IFRD1: variants seen among roughly 807,000 people sequenced by gnomAD.
The protein encoded by IFRD1 is interferon related developmental regulator 1.
IFRD1 carries 35 observed loss-of-function variants against 52.9 expected under a neutral mutation model. The observed-to-expected ratio is 0.66, with a 90% CI of 0.51 to 0.88. IFRD1 has a LOEUF of 0.88. Among genes scored for constraint, IFRD1 ranks in the 40% least tolerant of loss-of-function variants. The pLI is 0.00. For missense variants in IFRD1, 517 were observed against 550.8 expected (o/e 0.94, Z 0.61); for synonymous variants, 184 against 188.4 (o/e 0.98, Z 0.19).
chr7:112,475,317 G>A lies in IFRD1; in HGVS notation c.1267-113G>A, dbSNP rs1274044410. 4 of 689,140 alleles carry A rather than the reference G, an allele frequency of 5.8e-6. No individual in the cohort carries two copies. The African/African-American group carries it at 7.2e-5, about 12-fold the overall frequency. 42.7% of individuals were successfully genotyped at this position (689,140 alleles called of 1,614,324 possible). A position where few individuals can be genotyped will look rare whatever the true frequency, so the allele number is the denominator to read the frequency against. On this transcript the variant is annotated intron_variant, in intron 11 of 11. Coordinates refer to ENST00000403825, the MANE Select transcript of IFRD1 (RefSeq NM_001550.4). ...GTGTGTGTTTTATAAACATTTAAAT[G>A]TTTATAGGGTCAAATTAGTTCATTT...
At chr7:112,447,921 C>T (rs1795065039), upstream of IFRD1, among the ~76,000 whole-genome samples, 1 of 151,962 alleles carries the variant, frequency 6.6e-6, no homozygotes, top group South Asian at 2.1e-4. Flanking sequence ...GTAGTTTCTC[C>T]CTTTCCTTGA....
chr7:112,472,666 TG>T, intron 10 of IFRD1, 99 bp from the exon 11 acceptor site: 1 of 842,082 alleles, frequency 1.2e-6, no homozygotes. Context: ...AGTTTATCTG[TG>T]GGTTCCACAT....
At chr7:112,473,918 C>T (rs73201481) in intron 11 of IFRD1, among the ~76,000 whole-genome samples, 10,808 of 152,246 alleles carry the variant, frequency 0.071, 548 homozygotes, top group South Asian at 0.21. Flanking sequence ...TGCTACCCCC[C>T]GCCACTGGCA....
At chr7:112,434,600 T>C (rs1185481916) in intron 1 of IFRD1, among the ~76,000 whole-genome samples, 2 of 152,222 alleles carry the variant, frequency 1.3e-5, no homozygotes, top group Non-Finnish European at 2.9e-5. Context: ...AATTAAGTAA[T>C]TACATCATTG....
intron 9 of IFRD1, among the ~76,000 whole-genome samples, chr7:112,471,895 C>T (rs9649354): frequency 0.3 from 45,462 of 151,846 alleles, 7,484 homozygotes; most frequent in Non-Finnish European, 0.38. Context: ...TTCCCTCTCC[C>T]ATCCTAGGCC....
At chr7:112,423,953 C>T (rs1266575912) in intron 1 of IFRD1, among the ~76,000 whole-genome samples, 8 of 152,198 alleles carry the variant, frequency 5.3e-5, no homozygotes, top group Admixed American at 5.2e-4. Flanking sequence ...TTCAGTTGCT[C>T]ACTGCTTGCA....
chr7:112,453,431 C>A (rs571874007), intron 1 of IFRD1, among the ~76,000 whole-genome samples: 1 of 151,994 alleles, frequency 6.6e-6, no homozygotes, highest in South Asian at 2.1e-4. Context: ...ATACAGGGTT[C>A]TTTTTCTTGA....
intron 1 of IFRD1, among the ~76,000 whole-genome samples, chr7:112,437,695 A>G (rs1794740937): frequency 6.6e-6 from 1 of 151,312 alleles, no homozygotes; most frequent in African/African-American, 2.4e-5. Context: ...ACACTAGATA[A>G]GGCAATCCAT....
chr7:112,429,670 A>G (rs866980514), intron 1 of IFRD1, among the ~76,000 whole-genome samples: 1 of 152,216 alleles, frequency 6.6e-6, no homozygotes, highest in Non-Finnish European at 1.5e-5. Flanking sequence ...TCTCACTCAG[A>G]CACACTAAAA....
At chr7:112,473,429 CTT>C (rs1171658373) in intron 11 of IFRD1, among the ~76,000 whole-genome samples, 6 of 142,872 alleles carry the variant, frequency 4.2e-5, no homozygotes, top group Non-Finnish European at 4.6e-5. Flanking sequence ...CTTAACATTT[CTT>C]TTTTTTTTTT....
At chr7:112,467,328 A>G (rs1795635523) in intron 8 of IFRD1, 1 of 152,318 alleles carries the variant, frequency 6.6e-6, no homozygotes, top group Non-Finnish European at 1.5e-5. Context: ...GTGGTTGTAA[A>G]ATGGAGTTAG....
intron 4 of IFRD1, 199 bp downstream of exon 4, chr7:112,457,237 A>G: frequency 3.2e-6 from 2 of 621,304 alleles, no homozygotes; most frequent in South Asian, 2.0e-5. Context: ...CCAAAAAAAA[A>G]TAGCTTGAAA....
rs1236326288 is a variant in IFRD1, at chr7:112,467,986, T to C, written c.912T>C (p.Phe304=). 5 of 1,613,884 alleles carry C rather than the reference T, an allele frequency of 3.1e-6. No homozygotes were observed. Among genetic ancestry groups the C allele is most frequent in the Non-Finnish European group, 4.2e-6 (5 of 1,179,896 alleles). Residue 304 remains phenylalanine (F), a synonymous_variant, in exon 9 of 12, where the codon TTT becomes TTC. Coordinates refer to ENST00000403825, the MANE Select transcript of IFRD1 (RefSeq NM_001550.4). Reference sequence around the variant, plus strand: ...AAATTGCTTTTCTTGTCCAGGACTTTTTTTATGAAGACATGGAGTCCTTGA... The same window carrying C: ...AAATTGCTTTTCTTGTCCAGGACTTCTTTTATGAAGACATGGAGTCCTTGA... ...FELARGIESD[F]FYEDMESLTQ... is the part of the protein sequence containing the mutation.
At chr7:112,424,134 G>A (rs1436236316) in intron 1 of IFRD1, among the ~76,000 whole-genome samples, 1 of 152,138 alleles carries the variant, frequency 6.6e-6, no homozygotes, top group African/African-American at 2.4e-5. Context: ...AGGGGAGGGA[G>A]CCAGCAGGTG....
intron 5 of IFRD1, among the ~76,000 whole-genome samples, chr7:112,460,250 T>G (rs1438008543): frequency 2.8e-5 from 4 of 142,888 alleles, no homozygotes; most frequent in South Asian, 2.4e-4. Context: ...GGTTTTTTTT[T>G]TTTTTTTTTT....
chr7:112,458,858 T>C lies in IFRD1; in HGVS notation c.410-3T>C, dbSNP rs1370953126. 5.0e-6 allele frequency: 8 copies of C among 1,613,650 alleles called. No homozygotes were observed. In the Admixed American group the frequency reaches 1.3e-4, roughly 27 times the overall value. ...CGTGATTGCATCTTGGCTGCTTTTA[T>C]AGGTAAGAGTGATGAGCAACGTGCA... On this transcript the variant is annotated splice_polypyrimidine_tract_variant and splice_region_variant and intron_variant, in intron 4 of 11. Transcript: ENST00000403825.
chr7:112,423,889 T>C (rs1413380015), intron 1 of IFRD1, among the ~76,000 whole-genome samples: 1 of 152,196 alleles, frequency 6.6e-6, no homozygotes, highest in Non-Finnish European at 1.5e-5. Context: ...AGGGGACAAA[T>C]GTGAATTCAG....
chr7:112,453,356 A>G (rs952444550), intron 1 of IFRD1, among the ~76,000 whole-genome samples: 3 of 152,328 alleles, frequency 2.0e-5, no homozygotes, highest in Admixed American at 6.5e-5. Context: ...CTAGAGTGCC[A>G]TCTCTTTCGT....
intron 1 of IFRD1, among the ~76,000 whole-genome samples, chr7:112,438,022 G>T (rs959222595): frequency 2.6e-5 from 4 of 152,140 alleles, no homozygotes; most frequent in African/African-American, 7.2e-5. Flanking sequence ...GTGGCGTAGG[G>T]GTAGAGTGGA....
Sources: gnomAD v4.1 joint callset for allele counts (sites outside exome capture counted in the v4.1 genomes callset) on GRCh38, gnomAD v4.1.1 for gene constraint, MANE v1.5 for transcripts, NCBI Gene and HGNC (gene_info 2026-07-23, HGNC 2026-07-21) for gene names.